The following ZNF385B variants were observed in gnomAD, a reference collection of about 807,000 sequenced individuals.
ZNF385B encodes the protein zinc finger protein 385B, also known as zinc finger protein 533.
Under a neutral mutation model 39.2 loss-of-function variants are expected in ZNF385B, and 23 were observed. The observed-to-expected ratio is 0.59, with a 90% CI of 0.42 to 0.83. The LOEUF (loss-of-function observed/expected upper bound fraction) is 0.83, where lower values mean the gene tolerates loss of function less well. ZNF385B is among the 40% of genes least tolerant of loss of function. The probability of loss-of-function intolerance (pLI) is 0.00; values close to 1 mark genes in which losing one functional copy is unlikely to be tolerated. For missense variants in ZNF385B, 552 were observed against 598.9 expected, an observed-to-expected ratio of 0.92 and a Z score of 0.82; for synonymous variants, 205 against 222.6, an observed-to-expected ratio of 0.92 and a Z score of 0.70.
At chr2:179,508,731 C>T (rs926801860) in intron 5 of ZNF385B, among the ~76,000 whole-genome samples, 3 of 152,086 alleles carry the variant, frequency 2.0e-5, no homozygotes, top group African/African-American at 7.2e-5. Context: ...TGCTACTTTC[C>T]TAGTAATGTT....
chr2:179,805,500 C>T (rs1706293227), intron 1 of ZNF385B, among the ~76,000 whole-genome samples: 1 of 152,184 alleles, frequency 6.6e-6, no homozygotes, highest in South Asian at 2.1e-4. Context: ...TAATTCTAAT[C>T]TGTAACTTAA....
At chr2:179,664,797 A>G (rs1053946429) in intron 3 of ZNF385B, among the ~76,000 whole-genome samples, 3 of 152,162 alleles carry the variant, frequency 2.0e-5, no homozygotes, top group African/African-American at 7.2e-5. Flanking sequence ...ATTGATGTAA[A>G]TGTTTGTGCA....
At chr2:179,584,817 A>T (rs1333327689) in intron 3 of ZNF385B, among the ~76,000 whole-genome samples, 1 of 152,158 alleles carries the variant, frequency 6.6e-6, no homozygotes, top group Non-Finnish European at 1.5e-5. Context: ...AATGAACACC[A>T]CCTATATATA....
In ZNF385B at chr2:179,779,507, G is replaced by GA. The variant is rs542979506; in HGVS notation, c.-154-8836dup. Among the ~76,000 whole-genome samples, 20 of 152,314 alleles carry GA rather than the reference G, an allele frequency of 1.3e-4. 1 individual carries two copies. In the South Asian group the frequency reaches 3.7e-3, roughly 28 times the overall value. ...CCTGATATGATCAGATTTCAGCTGT[G>GA]AAAAAAATCACAACTGGATTCAAAA... On this transcript the variant is annotated intron_variant, in intron 1 of 9. Coordinates refer to ENST00000410066, the MANE Select transcript of ZNF385B (RefSeq NM_152520.6).
intron 6 of ZNF385B, among the ~76,000 whole-genome samples, chr2:179,449,345 G>A (rs1455247895): frequency 1.3e-5 from 2 of 152,130 alleles, no homozygotes; most frequent in Admixed American, 6.6e-5. Flanking sequence ...GAAAATGAGT[G>A]AGAAGGCCAT....
intron 5 of ZNF385B, among the ~76,000 whole-genome samples, chr2:179,509,178 C>T (rs1433087420): frequency 2.0e-5 from 3 of 152,078 alleles, no homozygotes; most frequent in Non-Finnish European, 2.9e-5. Context: ...GATCTCCTGA[C>T]GTCGTGATCC....
chr2:179,775,005 C>G (rs1704229966), intron 1 of ZNF385B, among the ~76,000 whole-genome samples: 1 of 152,184 alleles, frequency 6.6e-6, no homozygotes, highest in African/African-American at 2.4e-5. Context: ...ATATAGGGCT[C>G]TGGCATTGCT....
intron 3 of ZNF385B, among the ~76,000 whole-genome samples, chr2:179,661,872 C>A (rs1694518348): frequency 6.6e-6 from 1 of 152,096 alleles, no homozygotes; most frequent in African/African-American, 2.4e-5. Context: ...TTTTGAATCA[C>A]ATAAATGACA....
At chr2:179,645,425 T>C (rs1008449435) in intron 3 of ZNF385B, among the ~76,000 whole-genome samples, 5 of 152,206 alleles carry the variant, frequency 3.3e-5, no homozygotes, top group South Asian at 2.1e-4. Flanking sequence ...AAATCTTTTA[T>C]GTATTTTGAT....
At chr2:179,468,235 GTCAGCT>G (rs1559279596) in intron 6 of ZNF385B, among the ~76,000 whole-genome samples, 2 of 152,228 alleles carry the variant, frequency 1.3e-5, no homozygotes, top group Admixed American at 1.3e-4. Flanking sequence ...TAGTGAACTT[GTCAGCT>G]TTTCTGAGTG....
intron 3 of ZNF385B, among the ~76,000 whole-genome samples, chr2:179,669,409 T>C (rs1266381035): frequency 6.6e-6 from 1 of 152,212 alleles, no homozygotes; most frequent in Non-Finnish European, 1.5e-5. Flanking sequence ...GATTCAGACT[T>C]AATGGGCTTA....
chr2:179,700,245 A>G (rs2106362507), intron 3 of ZNF385B, among the ~76,000 whole-genome samples: 2 of 152,280 alleles, frequency 1.3e-5, no homozygotes, highest in South Asian at 4.1e-4. Flanking sequence ...CATGACTTCA[A>G]AATGTACCCT....
In ZNF385B at chr2:179,594,543, C is replaced by T. The variant is rs190860771; in HGVS notation, c.299-49574G>A. Among the ~76,000 whole-genome samples, 459 of 152,326 alleles carry T rather than the reference C, an allele frequency of 3.0e-3. 4 individuals carry two copies. Among genetic ancestry groups the T allele is most frequent in the African/African-American group, 0.01 (436 of 41,562 alleles). On this transcript the variant is annotated intron_variant, in intron 3 of 9. Transcript: ENST00000410066. ...TGATTGTAAGTCACAGAAAATAATA[C>T]CCTAACATATGACTTGAGCCAGCAA...
At chr2:179,620,073 A>T (rs1232382022) in intron 3 of ZNF385B, among the ~76,000 whole-genome samples, 1 of 152,172 alleles carries the variant, frequency 6.6e-6, no homozygotes. Context: ...CCTAAACCTG[A>T]TGACAAGGCT....
At position 179,759,130 on chromosome 2, in the gene ZNF385B, T is replaced by C. The variant is rs1703217504; in HGVS notation, c.298+10373A>G. Among the ~76,000 whole-genome samples, 6 of 152,294 alleles carry C rather than the reference T, an allele frequency of 3.9e-5. No homozygotes were observed. In the South Asian group the frequency reaches 1.2e-3, roughly 32 times the overall value. On this transcript the variant is annotated intron_variant, in intron 3 of 9. Transcript: ENST00000410066. Reference sequence around the variant, plus strand: ...TAACTTTTTTTTAGTCTTAAAATTTTAATATTAAATGAGAATGGATAGCAG... The same window carrying C: ...TAACTTTTTTTTAGTCTTAAAATTTCAATATTAAATGAGAATGGATAGCAG...
intron 4 of ZNF385B, among the ~76,000 whole-genome samples, chr2:179,523,893 T>TC (rs1377508977): frequency 3.3e-5 from 5 of 152,140 alleles, no homozygotes; most frequent in African/African-American, 1.2e-4. Context: ...AATGATCCTC[T>TC]CACTTCAGCC....
chr2:179,514,778 G>GT (rs10594566), intron 5 of ZNF385B, among the ~76,000 whole-genome samples: 12 of 143,420 alleles, frequency 8.4e-5, no homozygotes, highest in African/African-American at 2.8e-4. Context: ...ATGTGTGGTG[G>GT]TTTTTTTTTT....
At chr2:179,704,998 C>A (rs114585716) in intron 3 of ZNF385B, among the ~76,000 whole-genome samples, 1 of 152,170 alleles carries the variant, frequency 6.6e-6, no homozygotes, top group Non-Finnish European at 1.5e-5. Flanking sequence ...ATTCTCATAC[C>A]TATACTGCTC....
At chr2:179,687,748 A>G (rs1451273616) in intron 3 of ZNF385B, among the ~76,000 whole-genome samples, 2 of 152,202 alleles carry the variant, frequency 1.3e-5, no homozygotes, top group Non-Finnish European at 2.9e-5. Context: ...AAATTTTTCC[A>G]TACCTTAGTA....
Sources: allele counts gnomAD v4.1 joint callset (sites outside exome capture counted in the v4.1 genomes callset), GRCh38; gene constraint gnomAD v4.1.1; transcripts MANE v1.5; gene names NCBI Gene and HGNC (gene_info 2026-07-23, HGNC 2026-07-21).